EME1: variants seen among roughly 807,000 people sequenced by gnomAD.
EME1 encodes structure-specific endonuclease subunit EME1.
In EME1, 61 loss-of-function variants were observed where a neutral mutation model predicts 59.1. The ratio of observed to expected loss-of-function variants is 1.03; its 90% CI spans 0.84 to 1.28. The LOEUF (loss-of-function observed/expected upper bound fraction) is 1.28, where lower values mean the gene tolerates loss of function less well. Ranked by LOEUF, EME1 falls within the 50% of genes most tolerant of loss-of-function variation. The pLI, the probability that EME1 is intolerant of heterozygous loss-of-function variation, is 0.00. For missense variants in EME1, 635 were observed against 682.6 expected (o/e 0.93, Z 0.78); for synonymous variants, 230 against 254.2 (o/e 0.90, Z 0.90).
chr17:50,379,596 A>G (rs751350353), intron 7 of EME1, 29 bp downstream of exon 7: 7 of 1,586,358 alleles, frequency 4.4e-6, no homozygotes, highest in South Asian at 1.1e-5. Flanking sequence ...TCCAGCCTCC[A>G]TGCTGGGCCT....
chr17:50,381,065 T>C lies in EME1; in HGVS notation c.*126T>C, dbSNP rs1598365978. ...AAGCCTAGGTGAGGCCCAGTCTTTC[T>C]TGGGTCTTATTATTTGTGAAGGTCT... On this transcript the variant is annotated 3_prime_UTR_variant, in exon 9 of 9. Transcript: ENST00000338165. 8.7e-6 allele frequency: 9 copies of C among 1,031,546 alleles called. No individual in the cohort carries two copies. In the South Asian group the frequency reaches 1.1e-4, roughly 13 times the overall value. 63.9% of individuals were successfully genotyped at this position (1,031,546 alleles called of 1,614,324 possible).
At chr17:50,373,422 C>A in intron 1 of EME1, 145 bp downstream of exon 1, 1 of 581,664 alleles carries the variant, frequency 1.7e-6, no homozygotes, top group East Asian at 2.9e-5. Flanking sequence ...GGGCAGGGGC[C>A]CGCTTGTCCC....
chr17:50,376,649 C>T (rs919414238), intron 3 of EME1, among the ~76,000 whole-genome samples: 1 of 152,208 alleles, frequency 6.6e-6, no homozygotes. Context: ...GTTACCATCC[C>T]TATGCCTGAA....
Position 50,381,050 on chromosome 17 carries a change from G to A in EME1, c.*111G>A. On this transcript the variant is annotated 3_prime_UTR_variant, in exon 9 of 9. Coordinates refer to ENST00000338165, the MANE Select transcript of EME1 (RefSeq NM_152463.4). ...CACCTCCTGGAACACAAGCCTAGGT[G>A]AGGCCCAGTCTTTCTTGGGTCTTAT... 1.6e-6 allele frequency: 2 copies of A among 1,213,712 alleles called. No individual in the cohort carries two copies. Among genetic ancestry groups the A allele is most frequent in the East Asian group, 2.4e-5 (1 of 41,060 alleles). 75.2% of individuals were successfully genotyped at this position (1,213,712 alleles called of 1,614,324 possible). A position where few individuals can be genotyped will look rare whatever the true frequency, so the allele number is the denominator to read the frequency against.
chr17:50,379,619 G>A, intron 7 of EME1, 52 bp downstream of exon 7: 8 of 1,495,904 alleles, frequency 5.3e-6, no homozygotes, highest in Non-Finnish European at 7.4e-6. Context: ...CCTTTACCAT[G>A]GCTCTTGCAG....
rs754940303 is a variant in EME1, at chr17:50,375,351, A to T, written c.143A>T (p.Asp48Val). 6.2e-7 allele frequency: 1 copy of T among 1,614,238 alleles called. No homozygotes were observed. Among genetic ancestry groups the T allele is most frequent in the South Asian group, 1.1e-5 (1 of 91,082 alleles). ...AGGGAAGAGAAGATTGTAGTGGTTG[A>T]CATCTCAGATTGTGAAGCCTCCTGT... ...PEREEKIVVV[D>V]ISDCEASCPP... Residue 48 changes from aspartate (D) to valine (V), a missense_variant, in exon 2 of 9, where the codon GAC (aspartate) becomes GTC (valine). By Grantham distance (152) the Asp-to-Val change is radical. Coordinates refer to ENST00000338165, the MANE Select transcript of EME1 (RefSeq NM_152463.4).
At chr17:50,375,113 C>T in intron 1 of EME1, 72 bp from the exon 2 acceptor site, 1 of 1,201,138 alleles carries the variant, frequency 8.3e-7, no homozygotes, top group Admixed American at 2.3e-5. Context: ...GTCATAAAGC[C>T]TGGCTATGGA....
rs1269025274 is a variant in EME1 at position 50,381,024 on chromosome 17, G to C, written c.*85G>C. 2 of 1,461,596 alleles carry C rather than the reference G, an allele frequency of 1.4e-6. No homozygotes were observed. The highest frequency in any genetic ancestry group is 1.8e-5 in the Admixed American group (1 of 55,188). The allele number at this position is 1,461,596 out of a possible 1,614,324, so 90.5% of individuals were successfully genotyped here. The stretch of plus-strand genomic sequence containing the variant: ...CCTGACTGTAATGAAGAGACTGGCA[G>C]CACCTCCTGGAACACAAGCCTAGGT... On this transcript the variant is annotated 3_prime_UTR_variant, in exon 9 of 9. Transcript: ENST00000338165.
At position 50,378,771 on chromosome 17, in the gene EME1, C is replaced by G. The variant is rs565468318; in HGVS notation, c.991-3C>G. On this transcript the variant is annotated splice_region_variant and splice_polypyrimidine_tract_variant and intron_variant, in intron 4 of 8. Coordinates refer to ENST00000338165, the MANE Select transcript of EME1 (RefSeq NM_152463.4). ...TTAATGCAGTTTCTGCCCCTTCATG[C>G]AGGGAAGCCTGGACAGCACTATGAA... 2 of 1,614,206 alleles carry G rather than the reference C, an allele frequency of 1.2e-6. No individual in the cohort carries two copies. Among genetic ancestry groups the G allele is most frequent in the Non-Finnish European group, 1.7e-6 (2 of 1,180,046 alleles).
In EME1 at chr17:50,375,758, G is replaced by T; in HGVS notation, c.550G>T (p.Ala184Ser). The T allele has an allele frequency of 6.2e-7, 1 of 1,614,106 alleles. No individual in the cohort carries two copies. Reference sequence around the variant, plus strand: ...CTGCCCTGGCCAGAGCAGCAGCTTGGCAGTAACCAAAACAAATTCTGACAT... The same window carrying T: ...CTGCCCTGGCCAGAGCAGCAGCTTGTCAGTAACCAAAACAAATTCTGACAT... ...STCPGQSSSL[A>S]VTKTNSDILP... Residue 184 changes from alanine (A) to serine (S), a missense_variant, in exon 2 of 9, where the codon GCA (alanine) becomes TCA (serine). Coordinates refer to ENST00000338165, the MANE Select transcript of EME1 (RefSeq NM_152463.4).
chr17:50,375,712 G>A lies in EME1; in HGVS notation c.504G>A (p.Gln168=), dbSNP rs141669078. 6.2e-7 allele frequency: 1 copy of A among 1,614,108 alleles called. No individual in the cohort carries two copies. The highest frequency in any genetic ancestry group is 8.5e-7 in the Non-Finnish European group (1 of 1,180,014). Residue 168 remains glutamine (Q), a synonymous_variant, in exon 2 of 9, where the codon CAG becomes CAA. Transcript: ENST00000338165. ...NKDLILDPCC[Q]LPAYLSTCPG... is the part of the protein sequence containing the mutation. Reference sequence around the variant, plus strand: ...ACCTGATCTTAGATCCATGCTGTCAGCTTCCAGCCTACCTGTCTACCTGCC... The same window carrying A: ...ACCTGATCTTAGATCCATGCTGTCAACTTCCAGCCTACCTGTCTACCTGCC...
intron 3 of EME1, among the ~76,000 whole-genome samples, chr17:50,378,062 C>T (rs1442448327): frequency 6.6e-6 from 1 of 150,424 alleles, no homozygotes; most frequent in Non-Finnish European, 1.5e-5. Context: ...CCGTGCCTGG[C>T]CTGCTATGTT....
rs1655404747 is a variant in EME1 at position 50,375,168 on chromosome 17, G to A, written c.-24-17G>A. ...TTGAATGCTCCAGTCTGTGTCATAT[G>A]TCTCTTTTCCTTTTAGGGAATTATT... On this transcript the variant is annotated splice_polypyrimidine_tract_variant and intron_variant, in intron 1 of 8. Coordinates refer to ENST00000338165, the MANE Select transcript of EME1 (RefSeq NM_152463.4). The A allele has an allele frequency of 1.3e-6, 2 of 1,592,740 alleles. No individual in the cohort carries two copies. Among genetic ancestry groups the A allele is most frequent in the Non-Finnish European group, 1.7e-6 (2 of 1,169,200 alleles).
Position 50,375,184 on chromosome 17 carries a change from G to T in EME1, c.-24-1G>T. ...GTGTCATATGTCTCTTTTCCTTTTAGGGAATTATTTGATAGCACATACTGA... is the reference window on the plus strand; with the variant it reads ...GTGTCATATGTCTCTTTTCCTTTTATGGAATTATTTGATAGCACATACTGA... On this transcript the variant is annotated splice_acceptor_variant, in intron 1 of 8. Transcript: ENST00000338165. LOFTEE classifies it low-confidence loss of function (5UTR_SPLICE). 1 of 1,604,494 alleles carries T rather than the reference G, an allele frequency of 6.2e-7. No homozygotes were observed. The highest frequency in any genetic ancestry group is 1.1e-5 in the South Asian group (1 of 89,166).
chr17:50,378,579 C>T lies in EME1; in HGVS notation c.904-16C>T, dbSNP rs757064945. The T allele has an allele frequency of 6.2e-7, 1 of 1,612,964 alleles. No individual in the cohort carries two copies. The highest frequency in any genetic ancestry group is 1.3e-5 in the African/African-American group (1 of 75,016). On this transcript the variant is annotated splice_polypyrimidine_tract_variant and intron_variant, in intron 3 of 8. Transcript: ENST00000338165. ...CTGACCTCCCTCCCTGTGCTGTGTT[C>T]TGGGTACTTTGGCAGGACAGAGAGG...
chr17:50,377,020 G>A (rs1180255039), intron 3 of EME1, among the ~76,000 whole-genome samples: 3 of 152,162 alleles, frequency 2.0e-5, no homozygotes, highest in African/African-American at 2.4e-5. Flanking sequence ...AAAATGCTGC[G>A]ATTACAGGTG....
intron 7 of EME1, 50 bp downstream of exon 7, chr17:50,379,617 A>T: frequency 6.6e-7 from 1 of 1,520,516 alleles, no homozygotes; most frequent in Non-Finnish European, 9.1e-7. Context: ...GTCCTTTACC[A>T]TGGCTCTTGC....
intron 3 of EME1, among the ~76,000 whole-genome samples, chr17:50,377,386 A>C (rs1415213372): frequency 6.6e-6 from 1 of 152,198 alleles, no homozygotes; most frequent in African/African-American, 2.4e-5. Flanking sequence ...CCCCAAACCT[A>C]CACTTTGCTG....
chr17:50,381,042 GC>G lies in EME1; in HGVS notation c.*105del, dbSNP rs1374442704. 3.9e-6 allele frequency: 5 copies of G among 1,287,166 alleles called. No individual in the cohort carries two copies. In the African/African-American group the frequency reaches 7.4e-5, roughly 19 times the overall value. 79.7% of individuals were successfully genotyped at this position (1,287,166 alleles called of 1,614,324 possible). ...ACTGGCAGCACCTCCTGGAACACAA[GC>G]CTAGGTGAGGCCCAGTCTTTCTTGG... On this transcript the variant is annotated 3_prime_UTR_variant, in exon 9 of 9. Transcript: ENST00000338165.
Sources: gnomAD v4.1 joint callset for allele counts (sites outside exome capture counted in the v4.1 genomes callset) on GRCh38, gnomAD v4.1.1 for gene constraint, MANE v1.5 for transcripts, NCBI Gene and HGNC (gene_info 2026-07-23, HGNC 2026-07-21) for gene names.